The following MACF1 variants were observed in gnomAD, a reference collection of about 807,000 sequenced individuals.
The protein encoded by MACF1 is microtubule-actin cross-linking factor 1.
Under a neutral mutation model 854.8 loss-of-function variants are expected in MACF1, and 193 were observed. The observed-to-expected ratio is 0.23, with a 90% CI of 0.20 to 0.25. MACF1 has a LOEUF of 0.25. MACF1 is among the 10% of genes least tolerant of loss of function. The pLI, the probability that MACF1 is intolerant of heterozygous loss-of-function variation, is 1.00. For missense variants in MACF1, 7,722 were observed against 8,929.1 expected, an observed-to-expected ratio of 0.86 and a Z score of 5.45; for synonymous variants, 3,185 against 3,226.7, an observed-to-expected ratio of 0.99 and a Z score of 0.44.
chr1:39,406,909 A>G (rs914077710), intron 58 of MACF1, among the ~76,000 whole-genome samples: 3 of 152,164 alleles, frequency 2.0e-5, no homozygotes, highest in Non-Finnish European at 4.4e-5. Context: ...TTTGCTAGTA[A>G]AATTGATCTT....
At position 39,430,912 on chromosome 1, in the gene MACF1, A is replaced by G; in HGVS notation, c.17337+4A>G. The G allele has an allele frequency of 2.5e-6, 4 of 1,606,406 alleles. No homozygotes were observed. Among genetic ancestry groups the G allele is most frequent in the Non-Finnish European group, 3.4e-6 (4 of 1,174,644 alleles). ...TGCTATTCAGAGATCACAACAGGTAATGCTTATAATACCTCTGCATTAATA... is the reference window on the plus strand; with the variant it reads ...TGCTATTCAGAGATCACAACAGGTAGTGCTTATAATACCTCTGCATTAATA... On this transcript the variant is annotated splice_donor_region_variant and intron_variant, in intron 66 of 100. Transcript: ENST00000564288.
intron 2 of MACF1, among the ~76,000 whole-genome samples, chr1:39,140,724 G>A (rs1643321273): frequency 1.3e-5 from 2 of 151,950 alleles, no homozygotes; most frequent in South Asian, 2.1e-4. Flanking sequence ...AGACTATCCT[G>A]GCCAACATGG....
In MACF1 at chr1:39,430,031, C is replaced by T; in HGVS notation, c.17093C>T (p.Thr5698Ile). The stretch of plus-strand genomic sequence containing the variant: ...GCAACCAGTGGAGGACAGTCTCCCA[C>T]AGGGGAACAGATACCCCAGTTTCAG... Reference protein sequence around the residue: ...ELATSGGQSPTGEQIPQFQQR... With the variant: ...ELATSGGQSPIGEQIPQFQQR... Residue 5698 changes from threonine to isoleucine, a missense_variant, in exon 65 of 101, where the codon ACA becomes ATA. By Grantham distance (89) the Thr-to-Ile change is moderately conservative. Around this residue, in one of 15 missense-constraint regions of MACF1, gnomAD observed 2,807 missense variants for 3,235.8 expected, o/e 0.87. Transcript: ENST00000564288. 6.2e-7 allele frequency: 1 copy of T among 1,613,826 alleles called. No homozygotes were observed. The highest frequency in any genetic ancestry group is 8.5e-7 in the Non-Finnish European group (1 of 1,179,864).
chr1:39,210,169 T>C (rs76288981), intron 1 of MACF1, among the ~76,000 whole-genome samples: 1 of 152,270 alleles, frequency 6.6e-6, no homozygotes, highest in African/African-American at 2.4e-5. Context: ...TTCTAACCTT[T>C]TGAGATTTCT....
Position 39,335,914 on chromosome 1 carries a change from C to T in MACF1, c.9326C>T (p.Pro3109Leu). 11 of 1,614,098 alleles carry T rather than the reference C, an allele frequency of 6.8e-6. No individual in the cohort carries two copies. The highest frequency in any genetic ancestry group is 9.3e-6 in the Non-Finnish European group (11 of 1,180,016). Reference sequence around the variant, plus strand: ...CCATTCCCTTGTATGACCCCAAGACCTGAAGGATTGCACTACCAGGAATCA... The same window carrying T: ...CCATTCCCTTGTATGACCCCAAGACTTGAAGGATTGCACTACCAGGAATCA... Reference protein sequence around the residue: ...SEPFPCMTPRPEGLHYQESDG... With the variant: ...SEPFPCMTPRLEGLHYQESDG... The change falls in exon 37 of 101, where the codon CCT (proline) becomes CTT (leucine). Residue 3109 changes from proline (P) to leucine (L), a missense_variant. Transcript: ENST00000564288.
intron 62 of MACF1, among the ~76,000 whole-genome samples, 161 bp from the exon 63 acceptor site, chr1:39,427,800 G>A (rs981464389): frequency 1.3e-5 from 2 of 151,980 alleles, no homozygotes; most frequent in African/African-American, 2.4e-5. Context: ...GGCTACCACC[G>A]GAATAAACAG....
intron 70 of MACF1, chr1:39,436,588 A>T (rs1643982563): frequency 8.6e-7 from 1 of 1,164,862 alleles, no homozygotes; most frequent in South Asian, 1.2e-5. Flanking sequence ...TAGTGGAATA[A>T]ATTTAATTAG....
intron 69 of MACF1, among the ~76,000 whole-genome samples, chr1:39,434,989 C>T (rs1002786909): frequency 6.6e-6 from 1 of 152,142 alleles, no homozygotes; most frequent in African/African-American, 2.4e-5. Flanking sequence ...GAGTGAAAGC[C>T]ATGAGGTAAT....
intron 2 of MACF1, among the ~76,000 whole-genome samples, chr1:39,085,779 A>G (rs1353959709): frequency 6.6e-6 from 1 of 152,144 alleles, no homozygotes; most frequent in Non-Finnish European, 1.5e-5. Context: ...AAGACCCATC[A>G]AAATTACTTA....
intron 58 of MACF1, among the ~76,000 whole-genome samples, chr1:39,389,678 G>A (rs535371887): frequency 6.6e-6 from 1 of 152,004 alleles, no homozygotes; most frequent in Non-Finnish European, 1.5e-5. Context: ...TTCAAATTGA[G>A]GTATGAAAAG....
At chr1:39,182,312 G>A (rs1644115039) in intron 2 of MACF1, among the ~76,000 whole-genome samples, 1 of 152,018 alleles carries the variant, frequency 6.6e-6, no homozygotes, top group Non-Finnish European at 1.5e-5. Context: ...GTGGTTTCTT[G>A]TAGCTAACAC....
chr1:39,469,642 C>T (rs1251131796), intron 97 of MACF1, 27 bp downstream of exon 97: 4 of 1,517,794 alleles, frequency 2.6e-6, no homozygotes, highest in Admixed American at 3.9e-5. Flanking sequence ...TGTCCCTCTT[C>T]CTCACACCCT....
Position 39,427,994 on chromosome 1 carries a change from G to C in MACF1, c.16510G>C (p.Asp5504His), listed in dbSNP as rs775589106. The C allele has an allele frequency of 6.2e-6, 10 of 1,614,168 alleles. No homozygotes were observed. The highest frequency in any genetic ancestry group is 1.1e-5 in the South Asian group (1 of 91,084). ...LEEDIENHAT[D>H]VHQAVKIGQS... is the part of the protein sequence containing the mutation. ...AGAAGACATAGAAAACCATGCAACA[G>C]ATGTGCACCAGGCAGTCAAAATTGG... The change falls in exon 63 of 101, where the codon GAT (aspartate) becomes CAT (histidine). Residue 5504 changes from aspartate to histidine, a missense_variant. By Grantham distance (81) the Asp-to-His change is moderately conservative. This residue lies in a region of MACF1 where 2,807 missense variants were observed against 3,235.8 expected (regional missense o/e 0.87). Transcript: ENST00000564288.
intron 2 of MACF1, among the ~76,000 whole-genome samples, chr1:39,199,090 A>G (rs1482808455): frequency 6.6e-6 from 1 of 151,692 alleles, no homozygotes; most frequent in Non-Finnish European, 1.5e-5. Context: ...GGTTCACACC[A>G]TTCTCCTGCC....
rs1645887847 is a variant in MACF1, at chr1:39,295,837, C to T, written c.2310C>T (p.Cys770=). 6.2e-7 allele frequency: 1 copy of T among 1,613,948 alleles called. No individual in the cohort carries two copies. Among genetic ancestry groups the T allele is most frequent in the African/African-American group, 1.3e-5 (1 of 74,992 alleles). ...QSQLQWMKQL[C]LCVEQHVKEN... ...AGTTGCAGTGGATGAAGCAGCTGTG[C>T]CTGTGTGTTGAGCAGCATGTGAAAG... Residue 770 remains cysteine, a synonymous_variant, in exon 20 of 101, where the codon TGC becomes TGT. Coordinates refer to ENST00000564288, the MANE Select transcript of MACF1 (RefSeq NM_001394062.1).
At chr1:39,172,458 C>A (rs1643964119) in intron 2 of MACF1, among the ~76,000 whole-genome samples, 1 of 152,166 alleles carries the variant, frequency 6.6e-6, no homozygotes, top group Non-Finnish European at 1.5e-5. Flanking sequence ...TTCATACCTG[C>A]CTGGGAACAA....
At chr1:39,224,659 GGAGA>G (rs935093991) in intron 1 of MACF1, among the ~76,000 whole-genome samples, 2 of 151,890 alleles carry the variant, frequency 1.3e-5, no homozygotes, top group South Asian at 2.1e-4. Context: ...GAGAGAACCA[GGAGA>G]GAGAGAGAGC....
At chr1:39,389,349 G>GTGTTT (rs1557625842) in intron 58 of MACF1, among the ~76,000 whole-genome samples, 16 of 105,892 alleles carry the variant, frequency 1.5e-4, no homozygotes, top group African/African-American at 5.9e-4. Context: ...TGGTTTTTGT[G>GTGTTT]TGTTTTTTTT....
intron 2 of MACF1, among the ~76,000 whole-genome samples, chr1:39,196,709 T>C (rs945378826): frequency 6.6e-6 from 1 of 152,256 alleles, no homozygotes; most frequent in Admixed American, 6.5e-5. Flanking sequence ...CTGAATCTGC[T>C]AAAGTTATGA....
Sources: gnomAD v4.1 joint callset for allele counts (sites outside exome capture counted in the v4.1 genomes callset) on GRCh38, gnomAD v4.1.1 for gene constraint, gnomAD v4.1.1 regional missense constraint, MANE v1.5 for transcripts, NCBI Gene and HGNC (gene_info 2026-07-23, HGNC 2026-07-21) for gene names.